Variants in COL28A1 observed in about 807,000 individuals in gnomAD.
The protein encoded by COL28A1 is collagen type XXVIII alpha 1 chain.
A neutral mutation model predicts 150.2 loss-of-function variants in COL28A1; 161 were observed. The observed-to-expected ratio is 1.07, with a 90% CI of 0.94 to 1.22. The LOEUF (loss-of-function observed/expected upper bound fraction) is 1.22, where lower values mean the gene tolerates loss of function less well. Among genes scored for constraint, COL28A1 ranks in the 50% most tolerant of loss-of-function variants. COL28A1 has a pLI of 0.00. For synonymous variants in COL28A1, 552 were observed against 469.7 expected (o/e 1.18, Z -2.26); for missense variants, 1,617 against 1,388.3 (o/e 1.16, Z -2.62).
rs140926201 is a variant in COL28A1, at chr7:7,396,203, C to T, written c.2137-14591G>A. On this transcript the variant is annotated intron_variant, in intron 27 of 34. Coordinates refer to ENST00000399429, the MANE Select transcript of COL28A1 (RefSeq NM_001037763.3). Reference sequence around the variant, plus strand: ...AGTGGTCTGCCATTTGGGTATTGATCTCCTTCCCCCTGAAGTTCTGATCCT... The same window carrying T: ...AGTGGTCTGCCATTTGGGTATTGATTTCCTTCCCCCTGAAGTTCTGATCCT... 2.6e-5 allele frequency among the ~76,000 whole-genome samples: 4 copies of T among 152,256 alleles called. No homozygotes were observed. The East Asian group carries it at 7.7e-4, about 29-fold the overall frequency.
At chr7:7,452,467 A>G in intron 17 of COL28A1, 80 bp from the exon 18 acceptor site, 3 of 1,506,798 alleles carry the variant, frequency 2.0e-6, no homozygotes, top group Non-Finnish European at 2.6e-6. Context: ...CCTGTCTTAT[A>G]TCAACAAAGT....
At chr7:7,520,026 T>C (rs750798491) in intron 6 of COL28A1, 36 bp downstream of exon 6, 4 of 991,982 alleles carry the variant, frequency 4.0e-6, no homozygotes, top group Non-Finnish European at 6.4e-6. Flanking sequence ...TAGAAGGAGA[T>C]ACGCTGGTTT....
At chr7:7,382,517 C>G (rs1781928913) in intron 27 of COL28A1, among the ~76,000 whole-genome samples, 2 of 152,132 alleles carry the variant, frequency 1.3e-5, no homozygotes, top group South Asian at 4.1e-4. Flanking sequence ...ACCCAAACCA[C>G]ACAGTTTCCA....
chr7:7,437,717 C>G (rs937537088), intron 21 of COL28A1, among the ~76,000 whole-genome samples: 1 of 152,112 alleles, frequency 6.6e-6, no homozygotes, highest in Admixed American at 6.6e-5. Context: ...TCTTGTGCAG[C>G]CTCTTATTAG....
At chr7:7,488,754 A>G (rs10250756) in intron 13 of COL28A1, among the ~76,000 whole-genome samples, 23,826 of 152,172 alleles carry the variant, frequency 0.16, 2,063 homozygotes, top group African/African-American at 0.23. Context: ...GATTTTTCTC[A>G]TGGTTACAAA....
At chr7:7,441,314 T>A (rs562319872) in intron 20 of COL28A1, among the ~76,000 whole-genome samples, 1 of 152,244 alleles carries the variant, frequency 6.6e-6, no homozygotes, top group South Asian at 2.1e-4. Flanking sequence ...AGTCTAATTC[T>A]TTCCCCCAAA....
chr7:7,356,652 A>G (rs1780368666), downstream of COL28A1: 1 of 146,558 alleles, frequency 6.8e-6, no homozygotes, highest in South Asian at 2.4e-4. Context: ...ATGAGAACAC[A>G]TGGACACAGG....
chr7:7,380,012 C>T (rs1250520491), intron 30 of COL28A1, among the ~76,000 whole-genome samples: 1 of 152,130 alleles, frequency 6.6e-6, no homozygotes, highest in Non-Finnish European at 1.5e-5. Flanking sequence ...TAGACCACAA[C>T]CCTGGAAAAG....
At chr7:7,398,128 T>C (rs907915968) in intron 27 of COL28A1, among the ~76,000 whole-genome samples, 5 of 152,202 alleles carry the variant, frequency 3.3e-5, no homozygotes, top group South Asian at 2.1e-4. Context: ...TTTGTTTTAA[T>C]TGAAACATGC....
In COL28A1 at chr7:7,419,794, C is replaced by T. The variant is rs547854978; in HGVS notation, c.2067+91G>A. ...TCACCAAGAAAAAAATAAGTCAACA[C>T]CAAGACGAACACTTATTATGAAGTT... On this transcript the variant is annotated intron_variant, in intron 26 of 34. Transcript: ENST00000399429. 49 of 756,826 alleles carry T rather than the reference C, an allele frequency of 6.5e-5. No homozygotes were observed. In the South Asian group the frequency reaches 1.8e-3, roughly 28 times the overall value. The allele number at this position is 756,826 out of a possible 1,614,324, so 46.9% of individuals were successfully genotyped here.
intron 27 of COL28A1, among the ~76,000 whole-genome samples, chr7:7,388,734 G>A (rs1407478137): frequency 6.6e-6 from 1 of 152,158 alleles, no homozygotes; most frequent in East Asian, 1.9e-4. Flanking sequence ...TTGTGGTTTT[G>A]ATTGGCATTT....
chr7:7,440,727 C>A lies in COL28A1; in HGVS notation c.1722+63G>T. The A allele has an allele frequency of 7.6e-6, 5 of 662,022 alleles. No individual in the cohort carries two copies. The South Asian group carries it at 1.1e-4, about 15-fold the overall frequency. The allele number at this position is 662,022 out of a possible 1,614,324, so 41.0% of individuals were successfully genotyped here. On this transcript the variant is annotated intron_variant, in intron 21 of 34. Transcript: ENST00000399429. The stretch of plus-strand genomic sequence containing the variant: ...TCCAATTTTCAGTGGAAATTTAATA[C>A]TATATTAAAACCAGACACAATACAA...
intron 15 of COL28A1, among the ~76,000 whole-genome samples, chr7:7,458,313 G>A (rs967350342): frequency 6.6e-6 from 1 of 152,038 alleles, no homozygotes; most frequent in Non-Finnish European, 1.5e-5. Context: ...CTACTCAGGA[G>A]GCTAAGGCAG....
intron 11 of COL28A1, among the ~76,000 whole-genome samples, chr7:7,491,760 C>T (rs1439618820): frequency 3.3e-5 from 5 of 152,310 alleles, no homozygotes; most frequent in Admixed American, 2.0e-4. Flanking sequence ...TAGGTCTCTC[C>T]GGCTTTAAGC....
intron 27 of COL28A1, among the ~76,000 whole-genome samples, chr7:7,398,548 A>G (rs1782977728): frequency 6.6e-6 from 1 of 152,226 alleles, no homozygotes; most frequent in South Asian, 2.1e-4. Context: ...TCTTAGTTTA[A>G]GTCCTAGAGT....
At chr7:7,379,529 C>T (rs1277756354) in intron 30 of COL28A1, among the ~76,000 whole-genome samples, 2 of 152,090 alleles carry the variant, frequency 1.3e-5, no homozygotes, top group African/African-American at 4.8e-5. Context: ...TGTTGTCTTT[C>T]TCTCCACCAG....
At chr7:7,532,704 T>C in intron 2 of COL28A1, 48 bp downstream of exon 2, 1 of 1,574,752 alleles carries the variant, frequency 6.4e-7, no homozygotes, top group Non-Finnish European at 8.6e-7. Flanking sequence ...TTCACATAAG[T>C]ATTTTTAACA....
At chr7:7,425,741 A>G (rs138762957) in intron 25 of COL28A1, among the ~76,000 whole-genome samples, 173 of 152,330 alleles carry the variant, frequency 1.1e-3, no homozygotes, top group Non-Finnish European at 2.0e-3. Flanking sequence ...ATTTATCATA[A>G]TAAACCTGTG....
At chr7:7,503,399 C>A (rs1005120637) in intron 11 of COL28A1, among the ~76,000 whole-genome samples, 4 of 152,174 alleles carry the variant, frequency 2.6e-5, no homozygotes, top group African/African-American at 4.8e-5. Flanking sequence ...ATGTTAGGTA[C>A]TGTACAAGTT....
Sources: allele counts gnomAD v4.1 joint callset (sites outside exome capture counted in the v4.1 genomes callset), GRCh38; gene constraint gnomAD v4.1.1; transcripts MANE v1.5; gene names NCBI Gene and HGNC (gene_info 2026-07-23, HGNC 2026-07-21).